CTNNA2: variants seen among roughly 807,000 people sequenced by gnomAD.
The protein encoded by CTNNA2 is catenin alpha 2.
CTNNA2 carries 42 observed loss-of-function variants against 101.0 expected under a neutral mutation model. The observed-to-expected ratio is 0.42, with a 90% CI of 0.32 to 0.54. The LOEUF is 0.54. CTNNA2 is among the 20% of genes least tolerant of loss of function. The pLI, the probability that CTNNA2 is intolerant of heterozygous loss-of-function variation, is 0.14. For synonymous variants in CTNNA2, 450 were observed against 456.4 expected, an observed-to-expected ratio of 0.99 and a Z score of 0.18; for missense variants, 871 against 1,223.1, an observed-to-expected ratio of 0.71 and a Z score of 4.29.
intron 6 of CTNNA2, among the ~76,000 whole-genome samples, chr2:79,894,868 A>G (rs1041754490): frequency 1.3e-5 from 2 of 152,242 alleles, no homozygotes; most frequent in African/African-American, 4.8e-5. Context: ...GCACAAAGAC[A>G]TTAAAGAAAT....
In CTNNA2 at chr2:80,017,234, T is replaced by G. The variant is rs569848027; in HGVS notation, c.1056+107437T>G. ...TCCTGCCTCTGACCATACTGCAGCC[T>G]CAGTATCTAAAATAATACCTGGCAC... On this transcript the variant is annotated intron_variant, in intron 7 of 18. Transcript: ENST00000402739. Among the ~76,000 whole-genome samples, 204 of 152,224 alleles carry G rather than the reference T, an allele frequency of 1.3e-3. 2 individuals are homozygous for G. The highest frequency in any genetic ancestry group is 4.6e-3 in the African/African-American group (192 of 41,520).
chr2:79,416,854 A>G (rs1332745657), intron 4 of CTNNA2, among the ~76,000 whole-genome samples: 1 of 152,054 alleles, frequency 6.6e-6, no homozygotes, highest in Non-Finnish European at 1.5e-5. Flanking sequence ...AGATGAGCCA[A>G]TTTCTTCTAA....
intron 7 of CTNNA2, chr2:80,304,683 C>T (rs530295501): frequency 6.5e-6 from 1 of 153,502 alleles, no homozygotes; most frequent in South Asian, 1.8e-4. Flanking sequence ...GAGCGGCGCC[C>T]GGGCTCCTTC....
At position 79,746,107 on chromosome 2, in the gene CTNNA2, G is replaced by A. The variant is rs185194860; in HGVS notation, c.298+1525G>A. On this transcript the variant is annotated intron_variant, in intron 3 of 18. Coordinates refer to ENST00000402739, the MANE Select transcript of CTNNA2 (RefSeq NM_001282597.3). ...TGTGAATTGTATCATCATAATTGTT[G>A]TGAGGTGATATCTCATTGTAGATTT... 1.8e-4 allele frequency among the ~76,000 whole-genome samples: 27 copies of A among 152,264 alleles called. No individual in the cohort carries two copies. In the East Asian group the frequency reaches 5.0e-3, roughly 28 times the overall value.
At chr2:79,416,264 T>A (rs77064026) in intron 4 of CTNNA2, among the ~76,000 whole-genome samples, 1 of 135,058 alleles carries the variant, frequency 7.4e-6, no homozygotes, top group Non-Finnish European at 1.6e-5. Flanking sequence ...TTTCTTTTTT[T>A]TTTTTTTTTT....
At chr2:80,083,496 A>G (rs930127177) in intron 7 of CTNNA2, among the ~76,000 whole-genome samples, 1 of 152,058 alleles carries the variant, frequency 6.6e-6, no homozygotes, top group African/African-American at 2.4e-5. Context: ...GAAGATGGGC[A>G]TGGGTATTCT....
intron 9 of CTNNA2, among the ~76,000 whole-genome samples, chr2:80,454,394 G>A (rs534365249): frequency 2.6e-5 from 4 of 152,264 alleles, no homozygotes; most frequent in Non-Finnish European, 4.4e-5. Context: ...GTCATGGTGG[G>A]ACTTAGCACT....
chr2:80,403,004 A>C (rs939223876), intron 8 of CTNNA2, among the ~76,000 whole-genome samples: 4 of 151,928 alleles, frequency 2.6e-5, no homozygotes, highest in African/African-American at 9.7e-5. Context: ...AGGGGCTACC[A>C]AAAAGCTCAG....
intron 7 of CTNNA2, among the ~76,000 whole-genome samples, chr2:80,185,487 T>G (rs1706062037): frequency 6.6e-6 from 1 of 152,050 alleles, no homozygotes; most frequent in Non-Finnish European, 1.5e-5. Flanking sequence ...TGGGGATCAC[T>G]GGGAGACATT....
At chr2:80,547,974 G>A (rs1692237455) in intron 11 of CTNNA2, among the ~76,000 whole-genome samples, 1 of 152,228 alleles carries the variant, frequency 6.6e-6, no homozygotes, top group South Asian at 2.1e-4. Flanking sequence ...TTACAGGCGT[G>A]AGCCATCGCG....
chr2:79,220,739 A>G (rs1054251724), intron 2 of CTNNA2, among the ~76,000 whole-genome samples: 2 of 152,180 alleles, frequency 1.3e-5, no homozygotes, highest in African/African-American at 4.8e-5. Context: ...ATCCACCCTC[A>G]TAGAAATCAA....
chr2:79,811,811 C>G (rs1347048660), intron 3 of CTNNA2, among the ~76,000 whole-genome samples: 1 of 152,094 alleles, frequency 6.6e-6, no homozygotes, highest in Non-Finnish European at 1.5e-5. Context: ...ATGGATCTAT[C>G]TGGGGAGAAC....
intron 7 of CTNNA2, among the ~76,000 whole-genome samples, chr2:80,015,163 A>G (rs934105183): frequency 5.9e-5 from 9 of 152,174 alleles, no homozygotes; most frequent in African/African-American, 1.7e-4. Context: ...TCATCCTCAC[A>G]TCTTTTACTG....
intron 4 of CTNNA2, among the ~76,000 whole-genome samples, chr2:79,456,366 A>G (rs1034674322): frequency 8.6e-5 from 13 of 151,992 alleles, no homozygotes; most frequent in African/African-American, 3.1e-4. Context: ...TTAATTCTGA[A>G]TCCTTTAATA....
At chr2:80,085,388 A>C (rs1324589679) in intron 7 of CTNNA2, among the ~76,000 whole-genome samples, 1 of 152,074 alleles carries the variant, frequency 6.6e-6, no homozygotes, top group Non-Finnish European at 1.5e-5. Context: ...GCCATGCCGA[A>C]GTTAAAAGGG....
At chr2:80,333,121 A>G (rs1671483035) in intron 7 of CTNNA2, among the ~76,000 whole-genome samples, 1 of 152,174 alleles carries the variant, frequency 6.6e-6, no homozygotes. Flanking sequence ...AATATTTACT[A>G]TTAATATCAG....
intron 9 of CTNNA2, among the ~76,000 whole-genome samples, chr2:80,430,902 A>G (rs555036736): frequency 6.6e-5 from 10 of 152,244 alleles, no homozygotes; most frequent in African/African-American, 2.4e-4. Flanking sequence ...AACTGTTGAA[A>G]GGTGTGTATA....
At chr2:80,186,049 G>A (rs1241490891) in intron 7 of CTNNA2, among the ~76,000 whole-genome samples, 2 of 152,120 alleles carry the variant, frequency 1.3e-5, no homozygotes, top group Non-Finnish European at 2.9e-5. Flanking sequence ...CTCCCTTTGT[G>A]GATGGCAAAG....
chr2:79,580,021 C>A (rs1238797316), intron 1 of CTNNA2, among the ~76,000 whole-genome samples: 2 of 152,192 alleles, frequency 1.3e-5, no homozygotes, highest in Non-Finnish European at 2.9e-5. Flanking sequence ...GATGTTACCA[C>A]AGACCTCTTC....
Sources: gnomAD v4.1 joint callset for allele counts (sites outside exome capture counted in the v4.1 genomes callset) on GRCh38, gnomAD v4.1.1 for gene constraint, MANE v1.5 for transcripts, NCBI Gene and HGNC (gene_info 2026-07-23, HGNC 2026-07-21) for gene names.